KAZN: variants seen among roughly 807,000 people sequenced by gnomAD.
KAZN encodes kazrin.
KAZN carries 40 observed loss-of-function variants against 87.4 expected under a neutral mutation model. That is an observed-to-expected ratio of 0.46 (90% confidence interval 0.36 to 0.60). The LOEUF is 0.60. KAZN is among the 20% of genes least tolerant of loss of function. The pLI, the probability that KAZN is intolerant of heterozygous loss-of-function variation, is 0.00. For missense variants in KAZN, 898 were observed against 1,073.9 expected (o/e 0.84, Z 2.29); for synonymous variants, 466 against 458.3 (o/e 1.02, Z -0.22).
At chr1:13,903,781 G>C (rs912980650) in intron 1 of KAZN, among the ~76,000 whole-genome samples, 1 of 152,148 alleles carries the variant, frequency 6.6e-6, no homozygotes, top group Admixed American at 6.5e-5. Context: ...CACTGCTGGG[G>C]AGAGACTTAA....
At chr1:15,052,911 G>A (rs892331023) in intron 4 of KAZN, among the ~76,000 whole-genome samples, 2 of 152,202 alleles carry the variant, frequency 1.3e-5, no homozygotes, top group Non-Finnish European at 2.9e-5. Flanking sequence ...GACCCCGCCT[G>A]GGAGAAGGAA....
chr1:14,645,051 T>G (rs1680708266), intron 1 of KAZN, among the ~76,000 whole-genome samples: 2 of 152,222 alleles, frequency 1.3e-5, no homozygotes, highest in Non-Finnish European at 2.9e-5. Context: ...GCACCATTTA[T>G]TGAATCGGGA....
chr1:14,173,649 T>C (rs966019748), intron 1 of KAZN, among the ~76,000 whole-genome samples: 9 of 149,304 alleles, frequency 6.0e-5, no homozygotes, highest in Non-Finnish European at 1.3e-4. Flanking sequence ...GTGGGCTTTG[T>C]AGTTCCCCTC....
intron 2 of KAZN, among the ~76,000 whole-genome samples, chr1:14,253,930 G>A (rs1254698700): frequency 2.4e-5 from 3 of 126,622 alleles, no homozygotes; most frequent in African/African-American, 5.9e-5. Context: ...ATGAGCAAGC[G>A]AGACGTGACA....
At chr1:14,231,094 T>G (rs1394307810) in intron 2 of KAZN, among the ~76,000 whole-genome samples, 1 of 152,166 alleles carries the variant, frequency 6.6e-6, no homozygotes, top group East Asian at 1.9e-4. Flanking sequence ...TAGAGGCTAT[T>G]GGTTCTATTA....
chr1:14,983,625 C>T (rs911418443), intron 2 of KAZN, among the ~76,000 whole-genome samples: 1 of 152,174 alleles, frequency 6.6e-6, no homozygotes, highest in Non-Finnish European at 1.5e-5. Context: ...AGTCACTGCA[C>T]AGTCTTTGTA....
intron 6 of KAZN, 189 bp downstream of exon 6, chr1:15,060,491 G>A (rs1472605015): frequency 3.7e-5 from 29 of 773,470 alleles, no homozygotes; most frequent in Non-Finnish European, 5.7e-5. Context: ...AAGGAATGAG[G>A]CCCGTTTGCT....
At chr1:14,680,981 A>T (rs1186840733) in intron 1 of KAZN, among the ~76,000 whole-genome samples, 2 of 152,154 alleles carry the variant, frequency 1.3e-5, no homozygotes, top group Admixed American at 6.5e-5. Flanking sequence ...ATGGCAGAAG[A>T]TGTAGAGGGA....
intron 1 of KAZN, among the ~76,000 whole-genome samples, chr1:13,946,212 G>T (rs1641141340): frequency 6.6e-6 from 1 of 152,092 alleles, no homozygotes; most frequent in Non-Finnish European, 1.5e-5. Context: ...CTTTATTCTA[G>T]TATGCTTACC....
chr1:14,929,667 A>T (rs1659582230), intron 1 of KAZN: 1 of 636,272 alleles, frequency 1.6e-6, no homozygotes, highest in Non-Finnish European at 2.0e-6. Context: ...GTTTGCTGTG[A>T]GTCACTAAGG....
At chr1:14,234,712 C>A (rs1236745246) in intron 2 of KAZN, among the ~76,000 whole-genome samples, 1 of 152,148 alleles carries the variant, frequency 6.6e-6, no homozygotes, top group African/African-American at 2.4e-5. Context: ...TTGGGATAAA[C>A]CTTCCTGGAC....
At chr1:14,302,064 T>C (rs570532062) in intron 2 of KAZN, among the ~76,000 whole-genome samples, 1 of 152,340 alleles carries the variant, frequency 6.6e-6, no homozygotes, top group East Asian at 1.9e-4. Flanking sequence ...CTTGGATACA[T>C]GATGGGTACC....
intron 2 of KAZN, among the ~76,000 whole-genome samples, chr1:14,245,979 C>T (rs1320017891): frequency 6.6e-6 from 1 of 152,116 alleles, no homozygotes; most frequent in Admixed American, 6.5e-5. Flanking sequence ...TACATATGCA[C>T]CATGGAGTAT....
At chr1:13,945,256 C>T (rs1376147907) in intron 1 of KAZN, among the ~76,000 whole-genome samples, 1 of 152,026 alleles carries the variant, frequency 6.6e-6, no homozygotes, top group African/African-American at 2.4e-5. Flanking sequence ...GATGGATCAC[C>T]TGAGGTAAGA....
intron 1 of KAZN, among the ~76,000 whole-genome samples, chr1:14,908,410 C>T (rs958870657): frequency 2.0e-5 from 3 of 152,082 alleles, no homozygotes; most frequent in Non-Finnish European, 2.9e-5. Flanking sequence ...GCAGTAGTGG[C>T]AGGGGCCTGT....
In KAZN at chr1:14,427,571, A is replaced by G. The variant is rs1665806125; in HGVS notation, c.250-171412A>G. On this transcript the variant is annotated intron_variant, in intron 2 of 16. Transcript: ENST00000636203. The stretch of plus-strand genomic sequence containing the variant: ...GACATGTATACTAAATTAAAGGTAC[A>G]TATGTGTACACATATGTGTATACAT... 3.3e-5 allele frequency among the ~76,000 whole-genome samples: 5 copies of G among 151,396 alleles called. No homozygotes were observed. The South Asian group carries it at 1.0e-3, about 32-fold the overall frequency.
At chr1:14,438,178 G>T (rs1411148307) in intron 2 of KAZN, among the ~76,000 whole-genome samples, 1 of 151,958 alleles carries the variant, frequency 6.6e-6, no homozygotes, top group African/African-American at 2.4e-5. Flanking sequence ...TGCCCTGGAT[G>T]GTCTCTGAGC....
At chr1:14,373,420 C>G (rs1660663258) in intron 2 of KAZN, among the ~76,000 whole-genome samples, 1 of 152,108 alleles carries the variant, frequency 6.6e-6, no homozygotes, top group African/African-American at 2.4e-5. Context: ...TGTCCCAACT[C>G]AAGTCAGGCA....
chr1:14,349,964 G>A lies in KAZN; in HGVS notation c.249+169372G>A, dbSNP rs113452944. 2.2e-3 allele frequency among the ~76,000 whole-genome samples: 332 copies of A among 151,994 alleles called. 3 individuals carry two copies. Among genetic ancestry groups the A allele is most frequent in the Middle Eastern group, 0.014 (4 of 294 alleles). On this transcript the variant is annotated intron_variant, in intron 2 of 16. Coordinates refer to the KAZN transcript ENST00000636203. ...ATCCTGGCCAACATGGCGAAAACCC[G>A]TCCCTACTGAAAATACAAAAAATTA...
Sources: allele counts gnomAD v4.1 joint callset (sites outside exome capture counted in the v4.1 genomes callset), GRCh38; gene constraint gnomAD v4.1.1; transcripts MANE v1.5; gene names NCBI Gene and HGNC (gene_info 2026-07-23, HGNC 2026-07-21).